RUNDC1: variants seen among roughly 807,000 people sequenced by gnomAD.
RUNDC1 encodes RUN domain-containing protein 1.
Under a neutral mutation model 49.3 loss-of-function variants are expected in RUNDC1, and 31 were observed. The observed-to-expected ratio is 0.63, with a 90% CI of 0.47 to 0.85. The LOEUF (loss-of-function observed/expected upper bound fraction) is 0.85, where lower values mean the gene tolerates loss of function less well. Among genes scored for constraint, RUNDC1 ranks in the 40% least tolerant of loss-of-function variants. RUNDC1 has a pLI of 0.00. For missense variants in RUNDC1, 715 were observed against 806.7 expected (o/e 0.89, Z 1.38); for synonymous variants, 347 against 348.6 (o/e 1.00, Z 0.05).
rs1303416358 is a variant in RUNDC1 at position 42,994,862 on chromosome 17, T to A, written c.*3146T>A. 1.3e-5 allele frequency among the ~76,000 whole-genome samples: 2 copies of A among 152,016 alleles called. No homozygotes were observed. Among genetic ancestry groups the A allele is most frequent in the Non-Finnish European group, 2.9e-5 (2 of 68,006 alleles). On this transcript the variant is annotated 3_prime_UTR_variant, in exon 5 of 5. Transcript: ENST00000361677. ...AGGCCAGTCCACCCAGATCCAAGGA[T>A]ATGCAAGAATGGAAGGGTCAAGAGC...
In RUNDC1 at chr17:42,989,541, T is replaced by A. The variant is rs1244982646; in HGVS notation, c.856+2T>A. 3.7e-6 allele frequency: 6 copies of A among 1,613,130 alleles called. No individual in the cohort carries two copies. The highest frequency in any genetic ancestry group is 5.1e-6 in the Non-Finnish European group (6 of 1,179,304). On this transcript the variant is annotated splice_donor_variant, in intron 3 of 4. Coordinates refer to ENST00000361677, the MANE Select transcript of RUNDC1 (RefSeq NM_173079.5). LOFTEE classifies it high-confidence loss of function. Reference sequence around the variant, plus strand: ...AGATGTTTATCAACTTCATCCAAGGTTAGAGGAGGGGATGGGATGAGAAGG... The same window carrying A: ...AGATGTTTATCAACTTCATCCAAGGATAGAGGAGGGGATGGGATGAGAAGG...
At chr17:42,990,629 C>G (rs573684146) in intron 4 of RUNDC1, among the ~76,000 whole-genome samples, 193 bp downstream of exon 4, 3 of 152,310 alleles carry the variant, frequency 2.0e-5, no homozygotes, top group African/African-American at 7.2e-5. Context: ...CTAAAAACCA[C>G]TGAATTAAAC....
In RUNDC1 at chr17:42,986,290, A is replaced by T. The variant is rs534868898; in HGVS notation, c.499-966A>T. Among the ~76,000 whole-genome samples, 265 of 151,320 alleles carry T rather than the reference A, an allele frequency of 1.8e-3. 1 individual carries two copies. The highest frequency in any genetic ancestry group is 6.2e-3 in the African/African-American group (254 of 41,212). On this transcript the variant is annotated intron_variant, in intron 1 of 4. Transcript: ENST00000361677. ...CACCATGCCCAGCTAATTTTTAAAA[A>T]TTTTTTTGTGGAGATGAAGTCTCAC...
chr17:42,993,435 T>C lies in RUNDC1; in HGVS notation c.*1719T>C, dbSNP rs1468477722. ...TGTTTCTGCACTATTATGTAGTGCATTTTAACTTAAATTTTTTCCAGCAAC... is the reference window on the plus strand; with the variant it reads ...TGTTTCTGCACTATTATGTAGTGCACTTTAACTTAAATTTTTTCCAGCAAC... On this transcript the variant is annotated 3_prime_UTR_variant, in exon 5 of 5. Coordinates refer to ENST00000361677, the MANE Select transcript of RUNDC1 (RefSeq NM_173079.5). 1 of 152,230 alleles carries C rather than the reference T, an allele frequency of 6.6e-6. No individual in the cohort carries two copies. The highest frequency in any genetic ancestry group is 1.5e-5 in the Non-Finnish European group (1 of 68,042). 9.4% of individuals were successfully genotyped at this position (152,230 alleles called of 1,614,324 possible). A position where few individuals can be genotyped will look rare whatever the true frequency, so the allele number is the denominator to read the frequency against.
intron 1 of RUNDC1, among the ~76,000 whole-genome samples, chr17:42,984,889 C>CTTTTTTTTTTTTTTTTTTTTTTTTTTT (rs56228523): frequency 1.4e-4 from 9 of 65,346 alleles, no homozygotes; most frequent in South Asian, 6.7e-4. Context: ...TTCTTTCTTT[C>CTTTTTTTTTTTTTTTTTTTTTTTTTTT]TTTTTTTTTT....
chr17:42,983,008 A>G (rs1241358473), intron 1 of RUNDC1, among the ~76,000 whole-genome samples: 1 of 146,468 alleles, frequency 6.8e-6, no homozygotes, highest in African/African-American at 2.5e-5. Flanking sequence ...CACACAAAAA[A>G]TTAAAAACTG....
intron 1 of RUNDC1, among the ~76,000 whole-genome samples, chr17:42,986,648 C>T (rs931507261): frequency 6.6e-6 from 1 of 152,120 alleles, no homozygotes; most frequent in Non-Finnish European, 1.5e-5. Context: ...CAGGCGCCCG[C>T]CACCACACCC....
chr17:42,988,080 A>G (rs1315876939), intron 2 of RUNDC1, among the ~76,000 whole-genome samples: 5 of 151,534 alleles, frequency 3.3e-5, no homozygotes. Flanking sequence ...ACTACTCACT[A>G]CCTTTTGATA....
chr17:42,985,119 T>C (rs149951966), intron 1 of RUNDC1, among the ~76,000 whole-genome samples: 21,702 of 152,004 alleles, frequency 0.14, 2,177 homozygotes, highest in Admixed American at 0.24. Context: ...ACTCCTGACC[T>C]CAGGTGATCT....
In RUNDC1 at chr17:42,980,677, C is replaced by G. The variant is rs774568055; in HGVS notation, c.101C>G (p.Pro34Arg). The change falls in exon 1 of 5, where the codon CCG becomes CGG. Residue 34 changes from proline (P) to arginine (R), a missense_variant. Pro to Arg is a moderately radical substitution (Grantham distance 103, BLOSUM62 -2). Coordinates refer to ENST00000361677, the MANE Select transcript of RUNDC1 (RefSeq NM_173079.5). ...GAGGAGGAAGAGGAGCCGCTGCCACCGTGCGAGGCGGTGCGCTGGGCCCCA... is the reference window on the plus strand; with the variant it reads ...GAGGAGGAAGAGGAGCCGCTGCCACGGTGCGAGGCGGTGCGCTGGGCCCCA... ...EEEEEEEPLP[P>R]CEAVRWAPVG... is the part of the protein sequence containing the mutation. 1.3e-6 allele frequency: 2 copies of G among 1,577,144 alleles called. No homozygotes were observed. The highest frequency in any genetic ancestry group is 1.7e-6 in the Non-Finnish European group (2 of 1,164,698).
In RUNDC1 at chr17:42,980,891, G is replaced by A. The variant is rs1453979344; in HGVS notation, c.315G>A (p.Gln105=). ...TGTCCTCGCACTTCGCGCAGGTGCA[G>A]TTCCGCCTGCGCCAGGTGGTGCGCG... The part of the protein sequence containing the change: ...LALSSHFAQV[Q]FRLRQVVRGA... Residue 105 remains glutamine (Q), a synonymous_variant, in exon 1 of 5, where the codon CAG becomes CAA. Transcript: ENST00000361677. 1 of 1,523,504 alleles carries A rather than the reference G, an allele frequency of 6.6e-7. No individual in the cohort carries two copies. Among genetic ancestry groups the A allele is most frequent in the East Asian group, 2.5e-5 (1 of 39,436 alleles). The allele number at this position is 1,523,504 out of a possible 1,614,324, so 94.4% of individuals were successfully genotyped here. A position where few individuals can be genotyped will look rare whatever the true frequency, so the allele number is the denominator to read the frequency against.
At chr17:42,984,679 A>C (rs2050146211) in intron 1 of RUNDC1, among the ~76,000 whole-genome samples, 1 of 152,162 alleles carries the variant, frequency 6.6e-6, no homozygotes, top group Non-Finnish European at 1.5e-5. Context: ...TACCATGGCA[A>C]GTGACAGAGT....
At chr17:42,983,182 A>C (rs1173792779) in intron 1 of RUNDC1, among the ~76,000 whole-genome samples, 1 of 141,164 alleles carries the variant, frequency 7.1e-6, no homozygotes, top group East Asian at 2.1e-4. Context: ...ACCCTGTCTC[A>C]AAAAAAAAAG....
intron 1 of RUNDC1, chr17:42,982,042 T>C (rs1270356857): frequency 1.5e-5 from 2 of 133,008 alleles, no homozygotes; most frequent in African/African-American, 5.7e-5. Flanking sequence ...CCAGACTGCA[T>C]TGGCGCAATT....
Position 42,991,839 on chromosome 17 carries a change from A to G in RUNDC1, c.*123A>G. ...CATTTTTCCCAGACCCTGCTCAGGCAGTCGGCCAAATGAGTGCAAAGTCTG... is the reference window on the plus strand; with the variant it reads ...CATTTTTCCCAGACCCTGCTCAGGCGGTCGGCCAAATGAGTGCAAAGTCTG... On this transcript the variant is annotated 3_prime_UTR_variant, in exon 5 of 5. Coordinates refer to ENST00000361677, the MANE Select transcript of RUNDC1 (RefSeq NM_173079.5). 3 of 1,057,304 alleles carry G rather than the reference A, an allele frequency of 2.8e-6. No individual in the cohort carries two copies. The highest frequency in any genetic ancestry group is 4.1e-6 in the Non-Finnish European group (3 of 735,686). The allele number at this position is 1,057,304 out of a possible 1,614,324, so 65.5% of individuals were successfully genotyped here. A position where few individuals can be genotyped will look rare whatever the true frequency, so the allele number is the denominator to read the frequency against.
Position 42,980,706 on chromosome 17 carries a change from G to T in RUNDC1, c.130G>T (p.Gly44Trp), listed in dbSNP as rs759031445. The T allele has an allele frequency of 6.4e-7, 1 of 1,558,106 alleles. No homozygotes were observed. Among genetic ancestry groups the T allele is most frequent in the Non-Finnish European group, 8.7e-7 (1 of 1,155,298 alleles). ...CGAGGCGGTGCGCTGGGCCCCAGTG[G>T]GGGCGGTGGCGGAGGCCCGGCCTGG... The part of the protein sequence containing the change: ...PCEAVRWAPV[G>W]AVAEARPGAT... Residue 44 changes from glycine to tryptophan, a missense_variant, in exon 1 of 5, where the codon GGG becomes TGG. This residue lies in a region of RUNDC1 where 153 missense variants were observed against 139.4 expected (regional missense o/e 1.10). Coordinates refer to ENST00000361677, the MANE Select transcript of RUNDC1 (RefSeq NM_173079.5).
chr17:42,988,304 G>A (rs552294308), intron 2 of RUNDC1, among the ~76,000 whole-genome samples: 1 of 150,368 alleles, frequency 6.7e-6, no homozygotes, highest in South Asian at 2.1e-4. Flanking sequence ...CCAGGCTGGA[G>A]TGCAGTGGCA....
In RUNDC1 at chr17:42,981,005, C is replaced by A. The variant is rs756432986; in HGVS notation, c.429C>A (p.Pro143=). 2.6e-6 allele frequency: 4 copies of A among 1,545,686 alleles called. No homozygotes were observed. Among genetic ancestry groups the A allele is most frequent in the East Asian group, 2.4e-5 (1 of 41,326 alleles). Residue 143 remains proline, a synonymous_variant, in exon 1 of 5, where the codon CCC becomes CCA. Transcript: ENST00000361677. ...GCPHVLGYEG[P]GDPASDEGDG... ...CTCACGTCCTAGGTTACGAAGGGCC[C>A]GGCGACCCCGCCAGCGATGAGGGCG...
In RUNDC1 at chr17:42,991,124, G is replaced by A. The variant is rs2050233756; in HGVS notation, c.1250G>A (p.Gly417Glu). The A allele has an allele frequency of 1.9e-6, 3 of 1,614,180 alleles. No individual in the cohort carries two copies. The highest frequency in any genetic ancestry group is 2.2e-5 in the East Asian group (1 of 44,892). Residue 417 changes from glycine to glutamate, a missense_variant, in exon 5 of 5, where the codon GGA becomes GAA. By Grantham distance (98) the Gly-to-Glu change is moderately conservative (BLOSUM62 -2). Coordinates refer to ENST00000361677, the MANE Select transcript of RUNDC1 (RefSeq NM_173079.5). ...GCCAACCTCCAGGACCTCTCTCTGG[G>A]AGGCAAGGATGAGCTGACTATGGCT... ...TSANLQDLSL[G>E]GKDELTMAVR...
Sources: gnomAD v4.1 joint callset for allele counts (sites outside exome capture counted in the v4.1 genomes callset) on GRCh38, gnomAD v4.1.1 for gene constraint, gnomAD v4.1.1 regional missense constraint, MANE v1.5 for transcripts, NCBI Gene and HGNC (gene_info 2026-07-23, HGNC 2026-07-21) for gene names.